ASB3: variants seen among roughly 807,000 people sequenced by gnomAD.
ASB3 encodes ankyrin repeat and SOCS box containing 3, also known as ankyrin repeat and SOCS box protein 3.
Under a neutral mutation model 54.5 loss-of-function variants are expected in ASB3, and 41 were observed. That is an observed-to-expected ratio of 0.75 (90% CI 0.59 to 0.98). The LOEUF (loss-of-function observed/expected upper bound fraction) is 0.98. Ranked by LOEUF, ASB3 falls within the 50% of genes least tolerant of loss-of-function variation. ASB3 has a pLI of 0.00. For missense variants in ASB3, 733 were observed against 620.0 expected, an observed-to-expected ratio of 1.18 and a Z score of -1.94; for synonymous variants, 266 against 221.2, an observed-to-expected ratio of 1.20 and a Z score of -1.80.
At chr2:53,763,003 T>C (rs1673230162) in intron 2 of ASB3, among the ~76,000 whole-genome samples, 1 of 152,164 alleles carries the variant, frequency 6.6e-6, no homozygotes, top group African/African-American at 2.4e-5. Flanking sequence ...CCTACATACC[T>C]TCTTATTTGG....
intron 9 of ASB3, among the ~76,000 whole-genome samples, chr2:53,675,365 A>C (rs1668030961): frequency 6.6e-6 from 1 of 152,230 alleles, no homozygotes; most frequent in Non-Finnish European, 1.5e-5. Context: ...AATATAAAAT[A>C]AGATATATAC....
In ASB3 at chr2:53,765,396, C is replaced by T. The variant is rs1345315127; in HGVS notation, c.177G>A (p.Leu59=). The T allele has an allele frequency of 1.4e-5, 22 of 1,614,082 alleles. No homozygotes were observed. Among genetic ancestry groups the T allele is most frequent in the Non-Finnish European group, 1.8e-5 (21 of 1,180,036 alleles). ...EAAYHNSVEC[L]QMLINADSSE... Reference sequence around the variant, plus strand: ...CTTTACCTGCATTAATTAACATTTGCAAACATTCTACAGAGTTGTGATAAG... The same window carrying T: ...CTTTACCTGCATTAATTAACATTTGTAAACATTCTACAGAGTTGTGATAAG... The change falls in exon 2 of 10, where the codon TTG becomes TTA. Residue 59 remains leucine, a synonymous_variant. Coordinates refer to ENST00000263634, the MANE Select transcript of ASB3 (RefSeq NM_016115.5).
intron 9 of ASB3, among the ~76,000 whole-genome samples, chr2:53,672,917 A>G (rs980136358): frequency 6.6e-6 from 1 of 152,206 alleles, no homozygotes; most frequent in Non-Finnish European, 1.5e-5. Context: ...AACAGCAACA[A>G]TGATTCTCTT....
intron 1 of ASB3, among the ~76,000 whole-genome samples, chr2:53,775,609 G>A (rs1402954971): frequency 6.6e-6 from 1 of 152,168 alleles, no homozygotes; most frequent in African/African-American, 2.4e-5. Context: ...CCGCGTAGCT[G>A]GGATTACAGG....
chr2:53,715,565 T>C (rs918494484), intron 6 of ASB3, among the ~76,000 whole-genome samples: 5 of 152,158 alleles, frequency 3.3e-5, no homozygotes, highest in East Asian at 1.9e-4. Flanking sequence ...CAGAGTACAA[T>C]ATCTAACACT....
chr2:53,670,428 C>T lies in ASB3; in HGVS notation c.*75G>A. 1.4e-6 allele frequency: 2 copies of T among 1,454,528 alleles called. No individual in the cohort carries two copies. Among genetic ancestry groups the T allele is most frequent in the East Asian group, 5.3e-5 (2 of 37,638 alleles). The allele number at this position is 1,454,528 out of a possible 1,614,324, so 90.1% of individuals were successfully genotyped here. ...TCTTTTGACTATAAAATCATAAAAA[C>T]TTGTACTCTGTGGCTCTTTTGTCTC... On this transcript the variant is annotated 3_prime_UTR_variant, in exon 10 of 10. Coordinates refer to ENST00000263634, the MANE Select transcript of ASB3 (RefSeq NM_016115.5).
chr2:53,775,891 T>C (rs1222706516), intron 1 of ASB3, among the ~76,000 whole-genome samples: 1 of 152,242 alleles, frequency 6.6e-6, no homozygotes, highest in Non-Finnish European at 1.5e-5. Context: ...CTTTTTTCTT[T>C]ATTTTGTCAC....
intron 2 of ASB3, among the ~76,000 whole-genome samples, chr2:53,755,520 A>G (rs1672763984): frequency 6.6e-6 from 1 of 151,936 alleles, no homozygotes; most frequent in African/African-American, 2.4e-5. Flanking sequence ...CAAATTTACT[A>G]TGTGCCAATC....
chr2:53,767,752 G>A (rs1673574005), intron 1 of ASB3: 3 of 1,021,938 alleles, frequency 2.9e-6, no homozygotes, highest in African/African-American at 3.2e-5. Flanking sequence ...TAAACTCCCA[G>A]TGCGCTTTGC....
rs756236000 is a variant in ASB3 at position 53,767,980 on chromosome 2, TTC to T, written c.-13-2397_-13-2396del. 7.4e-4 allele frequency: 1,190 copies of T among 1,613,924 alleles called. 1 individual carries two copies. Among genetic ancestry groups the T allele is most frequent in the Non-Finnish European group, 9.6e-4 (1,137 of 1,179,996 alleles). Reference sequence around the variant, plus strand: ...ATACATCACCAACTACAGCAGGCGCTTCTGGCAGGGCAGCACGGACCACCGCG... The same window carrying T: ...ATACATCACCAACTACAGCAGGCGCTTGGCAGGGCAGCACGGACCACCGCG... On this transcript the variant is annotated intron_variant, in intron 1 of 9. Transcript: ENST00000263634.
At chr2:53,744,933 A>T (rs986535068) in intron 3 of ASB3, among the ~76,000 whole-genome samples, 1 of 152,210 alleles carries the variant, frequency 6.6e-6, no homozygotes, top group Non-Finnish European at 1.5e-5. Flanking sequence ...TAAATATTAC[A>T]CAGAATAAGC....
At chr2:53,694,202 T>G (rs1669065895) in intron 8 of ASB3, 188 bp from the exon 9 acceptor site, 9 of 559,994 alleles carry the variant, frequency 1.6e-5, no homozygotes, top group Non-Finnish European at 2.4e-5. Context: ...TACAGGTTCC[T>G]ATTAACTGAA....
Position 53,777,630 on chromosome 2 carries a change from G to T in ASB3, c.-14+9191C>A, listed in dbSNP as rs551386141. ...CAGTACTCATCTCCTTTCCCAACCA[G>T]AAAATCTGGTCCCACATTACCTCCC... On this transcript the variant is annotated intron_variant, in intron 1 of 9. Coordinates refer to ENST00000263634, the MANE Select transcript of ASB3 (RefSeq NM_016115.5). Among the ~76,000 whole-genome samples the T allele has an allele frequency of 1.1e-4, 16 of 152,160 alleles. No individual in the cohort carries two copies. In the South Asian group the frequency reaches 3.3e-3, roughly 32 times the overall value.
intron 3 of ASB3, among the ~76,000 whole-genome samples, chr2:53,749,458 A>G (rs1016526782): frequency 5.9e-5 from 9 of 152,128 alleles, no homozygotes; most frequent in African/African-American, 9.6e-5. Flanking sequence ...GTATTAACCC[A>G]AGAGAAATAA....
chr2:53,753,652 GTT>G (rs201461638), intron 2 of ASB3, among the ~76,000 whole-genome samples: 1 of 144,736 alleles, frequency 6.9e-6, no homozygotes, highest in African/African-American at 2.5e-5. Context: ...CTTTCTTTCT[GTT>G]TTTTTTTTTT....
chr2:53,728,372 A>G (rs1207894430), intron 5 of ASB3, among the ~76,000 whole-genome samples: 1 of 152,202 alleles, frequency 6.6e-6, no homozygotes, highest in Admixed American at 6.5e-5. Context: ...CCATCTAATA[A>G]GGTAATTAAG....
chr2:53,761,593 A>G (rs1200769686), intron 2 of ASB3, among the ~76,000 whole-genome samples: 1 of 152,156 alleles, frequency 6.6e-6, no homozygotes, highest in Non-Finnish European at 1.5e-5. Flanking sequence ...ACTGAGAGTT[A>G]CACTATCACT....
intron 3 of ASB3, among the ~76,000 whole-genome samples, chr2:53,731,002 G>C (rs1255864231): frequency 2.0e-5 from 3 of 152,096 alleles, no homozygotes; most frequent in African/African-American, 7.2e-5. Context: ...TGATAAGCGT[G>C]CTTATTACTG....
chr2:53,784,140 G>A (rs1674804800), intron 1 of ASB3, among the ~76,000 whole-genome samples: 1 of 152,208 alleles, frequency 6.6e-6, no homozygotes, highest in South Asian at 2.1e-4. Flanking sequence ...ATACTTAATA[G>A]TTTTATAGCG....
Sources: gnomAD v4.1 joint callset for allele counts (sites outside exome capture counted in the v4.1 genomes callset) on GRCh38, gnomAD v4.1.1 for gene constraint, MANE v1.5 for transcripts, NCBI Gene and HGNC (gene_info 2026-07-23, HGNC 2026-07-21) for gene names.